Variants in NEB observed in about 807,000 individuals in gnomAD.
NEB encodes the protein nebulin, also known as nemaline myopathy type 2.
NEB carries 512 observed loss-of-function variants against 952.2 expected under a neutral mutation model. The observed-to-expected ratio is 0.54, with a 90% CI of 0.50 to 0.58. The LOEUF (loss-of-function observed/expected upper bound fraction) is 0.58. Among genes scored for constraint, NEB ranks in the 20% least tolerant of loss-of-function variants. The pLI, the probability that NEB is intolerant of heterozygous loss-of-function variation, is 0.00. For missense variants in NEB, 8,428 were observed against 9,231.1 expected, an observed-to-expected ratio of 0.91 and a Z score of 3.56; for synonymous variants, 2,900 against 3,149.8, an observed-to-expected ratio of 0.92 and a Z score of 2.66.
At chr2:151,683,034 T>C (rs2099436472) in intron 28 of NEB, among the ~76,000 whole-genome samples, 1 of 152,172 alleles carries the variant, frequency 6.6e-6, no homozygotes, top group Non-Finnish European at 1.5e-5. Context: ...ACCTGGAAAA[T>C]GTTCGAGTCA....
chr2:151,491,505 G>T, intron 179 of NEB, 178 bp downstream of exon 179: 1 of 533,086 alleles, frequency 1.9e-6, no homozygotes, highest in Non-Finnish European at 3.3e-6. Context: ...TTTCTAACTT[G>T]AACTTATCTA....
chr2:151,494,157 A>G lies in NEB; in HGVS notation c.24579+4T>C. On this transcript the variant is annotated splice_donor_region_variant and intron_variant, in intron 174 of 181. Coordinates refer to ENST00000397345, the MANE Select transcript of NEB (RefSeq NM_001164508.2). Reference sequence around the variant, plus strand: ...AAAAGCACTTTTGTTTCTCAAGACAATACCGAGCTAATGTTTTCTTGATTG... The same window carrying G: ...AAAAGCACTTTTGTTTCTCAAGACAGTACCGAGCTAATGTTTTCTTGATTG... The G allele has an allele frequency of 6.2e-7, 1 of 1,600,634 alleles. No homozygotes were observed. Among genetic ancestry groups the G allele is most frequent in the Admixed American group, 1.7e-5 (1 of 58,604 alleles).
intron 10 of NEB, among the ~76,000 whole-genome samples, chr2:151,710,796 G>A (rs764834199): frequency 2.0e-5 from 3 of 152,024 alleles, no homozygotes; most frequent in African/African-American, 2.4e-5. Context: ...TCATTCATTC[G>A]GAAGTTGCAG....
intron 131 of NEB, 67 bp downstream of exon 131, chr2:151,548,241 T>C (rs2094945899): frequency 8.1e-7 from 1 of 1,241,440 alleles, no homozygotes; most frequent in Admixed American, 1.8e-5. Flanking sequence ...TAATTCTTAA[T>C]GCATTTCAAA....
chr2:151,717,566 T>C, intron 9 of NEB, 46 bp from the exon 10 acceptor site: 1 of 1,366,096 alleles, frequency 7.3e-7, no homozygotes, highest in Non-Finnish European at 1.0e-6. Flanking sequence ...CGATTATGCT[T>C]TCATCTTTAT....
At position 151,672,473 on chromosome 2, in the gene NEB, C is replaced by T; in HGVS notation, c.4195G>A (p.Val1399Ile). Reference protein sequence around the residue: ...SITAAKMAQDVATNVNYKQPL... With the variant: ...SITAAKMAQDIATNVNYKQPL... ...TGTTTGTAGTTGACATTGGTAGCGA[C>T]ATCCTGGGCCATCTTTGCAGCTGTG... is the stretch of plus-strand genomic sequence containing the variant. The change falls in exon 37 of 182, where the codon GTC becomes ATC. Residue 1399 changes from valine to isoleucine, a missense_variant. Val to Ile is a conservative substitution (Grantham distance 29). Around this residue, in one of 11 missense-constraint regions of NEB, gnomAD observed 2,851 missense variants for 2,791.5 expected, o/e 1.02. Coordinates refer to ENST00000397345, the MANE Select transcript of NEB (RefSeq NM_001164508.2). The T allele has an allele frequency of 6.2e-7, 1 of 1,614,014 alleles. No homozygotes were observed. Among genetic ancestry groups the T allele is most frequent in the South Asian group, 1.1e-5 (1 of 91,082 alleles).
chr2:151,640,612 C>T lies in NEB; in HGVS notation c.8428G>A (p.Ala2810Thr). Residue 2810 changes from alanine (A) to threonine (T), a missense_variant, in exon 61 of 182, where the codon GCT (alanine) becomes ACT (threonine). Around this residue, in one of 11 missense-constraint regions of NEB, gnomAD observed 1,772 missense variants for 1,960.3 expected, o/e 0.90. Coordinates refer to ENST00000397345, the MANE Select transcript of NEB (RefSeq NM_001164508.2). ...KQLGHHIGAR[A>T]IRDDPKMMWS... ...ATCATCTTGGGGTCATCACGTATAG[C>T]TCGGGCACCAATGTGGTGGCCGAGC... The T allele has an allele frequency of 6.2e-7, 1 of 1,613,912 alleles. No individual in the cohort carries two copies. Among genetic ancestry groups the T allele is most frequent in the Non-Finnish European group, 8.5e-7 (1 of 1,179,858 alleles).
chr2:151,704,823 C>T (rs554251472), intron 13 of NEB, among the ~76,000 whole-genome samples: 5 of 152,204 alleles, frequency 3.3e-5, no homozygotes, highest in Admixed American at 1.3e-4. Context: ...CCGTCTTCTG[C>T]GTCGCTCGCT....
At chr2:151,672,327 T>C (rs757057661) in intron 37 of NEB, 42 bp downstream of exon 37, 7 of 1,507,260 alleles carry the variant, frequency 4.6e-6, no homozygotes, top group African/African-American at 2.8e-5. Context: ...TGATCATCCT[T>C]TAAGTGCAAA....
Position 151,631,291 on chromosome 2 carries a change from C to A in NEB, c.9470G>T (p.Gly3157Val). 4 of 1,613,770 alleles carry A rather than the reference C, an allele frequency of 2.5e-6. No homozygotes were observed. The highest frequency in any genetic ancestry group is 3.4e-6 in the Non-Finnish European group (4 of 1,179,824). ...CTTGCACTTGACCACATCCATAGAC[C>A]CAATGGGGACCCAGCCAATGCCTCT... ...WLRGIGWVPI[G>V]SMDVVKCKRA... Residue 3157 changes from glycine (G) to valine (V), a missense_variant, in exon 66 of 182, where the codon GGG becomes GTG. Physicochemically the swap from Gly to Val is moderately radical, Grantham distance 109. Around this residue, in one of 11 missense-constraint regions of NEB, gnomAD observed 1,772 missense variants for 1,960.3 expected, o/e 0.90. Coordinates refer to ENST00000397345, the MANE Select transcript of NEB (RefSeq NM_001164508.2).
intron 12 of NEB, among the ~76,000 whole-genome samples, chr2:151,707,564 T>G (rs1022515972): frequency 6.6e-6 from 1 of 152,192 alleles, no homozygotes; most frequent in Admixed American, 6.5e-5. Flanking sequence ...TTCCTTCTGC[T>G]GTTCCTATTT....
chr2:151,677,837 C>T lies in NEB; in HGVS notation c.3567+39G>A, dbSNP rs2154210300. 3.7e-6 allele frequency: 6 copies of T among 1,608,186 alleles called. No homozygotes were observed. The East Asian group carries it at 1.1e-4, about 30-fold the overall frequency. ...GGTTCTTTTCATGGCAGGCTCTGAA[C>T]TTAATAGGGGGGTTTCTTGAGAAGT... On this transcript the variant is annotated intron_variant, in intron 33 of 181. Transcript: ENST00000397345.
chr2:151,665,488 G>T lies in NEB; in HGVS notation c.5083C>A (p.Pro1695Thr). The change falls in exon 42 of 182, where the codon CCC becomes ACC. Residue 1695 changes from proline (P) to threonine (T), a missense_variant. Transcript: ENST00000397345. The part of the protein sequence containing the change: ...TNWMKGIGWV[P>T]IESLEVEKAK... ...TTCTCCACCTCCAGGGACTCTATGG[G>T]CACCCAGCCGATCCCTTTCATCCAA... is the stretch of plus-strand genomic sequence containing the variant. The T allele has an allele frequency of 6.2e-7, 1 of 1,612,016 alleles. No homozygotes were observed. The highest frequency in any genetic ancestry group is 1.7e-4 in the Middle Eastern group (1 of 6,060).
intron 173 of NEB, chr2:151,494,945 G>A: frequency 6.5e-6 from 1 of 153,072 alleles, no homozygotes; most frequent in Non-Finnish European, 1.5e-5. Context: ...ACCACACCTG[G>A]CCCACAGCAG....
rs2099016597 is a variant in NEB at position 151,650,257 on chromosome 2, A to G, written c.7350T>C (p.Pro2450=). The G allele has an allele frequency of 6.2e-7, 1 of 1,613,744 alleles. No homozygotes were observed. The highest frequency in any genetic ancestry group is 1.3e-5 in the African/African-American group (1 of 74,896). ...TGCTGGTGAACTTGTTTCTGTCTGGAGGCTGACGATATTTCTTCTCACTGA... is the reference window on the plus strand; with the variant it reads ...TGCTGGTGAACTTGTTTCTGTCTGGGGGCTGACGATATTTCTTCTCACTGA... ...EIISEKKYRQ[P]PDRNKFTSIP... Residue 2450 remains proline, a synonymous_variant, in exon 54 of 182, where the codon CCT becomes CCC. Transcript: ENST00000397345.
chr2:151,641,413 C>A lies in NEB; in HGVS notation c.8374-747G>T, dbSNP rs372731855. On this transcript the variant is annotated intron_variant, in intron 60 of 181. Transcript: ENST00000397345. ...GTGGTACAATCATGTCTCACTGCAA[C>A]CTCCAACTCTTGGGCTGAAGTGATC... 9.2e-5 allele frequency among the ~76,000 whole-genome samples: 14 copies of A among 152,262 alleles called. No homozygotes were observed. The South Asian group carries it at 2.5e-3, about 27-fold the overall frequency.
At chr2:151,535,454 G>A (rs2092964669) in intron 142 of NEB, among the ~76,000 whole-genome samples, 1 of 152,210 alleles carries the variant, frequency 6.6e-6, no homozygotes, top group Non-Finnish European at 1.5e-5. Context: ...TTGTGCAGAG[G>A]TGCTGATGTT....
intron 167 of NEB, among the ~76,000 whole-genome samples, 180 bp downstream of exon 167, chr2:151,502,613 G>GAA (rs1003775162): frequency 6.6e-6 from 1 of 152,040 alleles, no homozygotes; most frequent in Non-Finnish European, 1.5e-5. Flanking sequence ...ATGTTTTAGA[G>GAA]AAAACACAGT....
intron 140 of NEB, among the ~76,000 whole-genome samples, 163 bp downstream of exon 140, chr2:151,537,709 G>C (rs1206982221): frequency 6.6e-6 from 1 of 152,190 alleles, no homozygotes; most frequent in African/African-American, 2.4e-5. Context: ...CTTCTCCCAA[G>C]TTGAAATTCA....
Sources: allele counts gnomAD v4.1 joint callset (sites outside exome capture counted in the v4.1 genomes callset), GRCh38; gene constraint gnomAD v4.1.1; regional missense constraint gnomAD v4.1.1; transcripts MANE v1.5; gene names NCBI Gene and HGNC (gene_info 2026-07-23, HGNC 2026-07-21).